DCBLD1: variants seen among roughly 807,000 people sequenced by gnomAD.
DCBLD1 encodes the protein discoidin, CUB and LCCL domain containing 1.
A neutral mutation model predicts 71.5 loss-of-function variants in DCBLD1; 57 were observed. The ratio of observed to expected loss-of-function variants is 0.80; its 90% CI spans 0.64 to 0.99. DCBLD1 has a LOEUF of 0.99. Among genes scored for constraint, DCBLD1 ranks in the 50% least tolerant of loss-of-function variants. DCBLD1 has a pLI of 0.00. For synonymous variants in DCBLD1, 380 were observed against 363.8 expected, an observed-to-expected ratio of 1.04 and a Z score of -0.51; for missense variants, 891 against 923.5, an observed-to-expected ratio of 0.96 and a Z score of 0.46.
chr6:117,532,123 C>T (rs1778743216), intron 5 of DCBLD1, 137 bp from the exon 6 acceptor site: 10 of 1,282,868 alleles, frequency 7.8e-6, no homozygotes, highest in Non-Finnish European at 1.0e-5. Flanking sequence ...GAGGTGACAA[C>T]TCCAGGGCAT....
chr6:117,525,845 A>T (rs1375722808), intron 5 of DCBLD1, among the ~76,000 whole-genome samples: 1 of 152,184 alleles, frequency 6.6e-6, no homozygotes, highest in Non-Finnish European at 1.5e-5. Flanking sequence ...CCCTGCTCTT[A>T]TTCGCCTTTC....
intron 14 of DCBLD1, among the ~76,000 whole-genome samples, chr6:117,566,498 G>T (rs910589286): frequency 6.6e-6 from 1 of 152,134 alleles, no homozygotes; most frequent in African/African-American, 2.4e-5. Flanking sequence ...TTCATTGTGA[G>T]AGATGAATTT....
chr6:117,538,801 G>A lies in DCBLD1; in HGVS notation c.942G>A (p.Leu314=), dbSNP rs76109131. ...SSNNHKPREW[L]EIDLGEKKKI... is the part of the protein sequence containing the mutation. ...ACAACCACAAACCACGAGAGTGGCT[G>A]GAGATCGATTTGGGGGAGAAAAAGA... The change falls in exon 8 of 15, where the codon CTG becomes CTA. Residue 314 remains leucine, a synonymous_variant. Transcript: ENST00000338728. 1.4e-3 allele frequency: 2,315 copies of A among 1,613,988 alleles called. 23 individuals carry two copies. In the African/African-American group the frequency reaches 0.027, roughly 19 times the overall value.
intron 2 of DCBLD1, among the ~76,000 whole-genome samples, chr6:117,519,075 G>A (rs752314265): frequency 7.9e-5 from 12 of 151,900 alleles, no homozygotes; most frequent in Non-Finnish European, 1.5e-4. Flanking sequence ...TGTTACTTTC[G>A]AAATGACAAG....
chr6:117,500,724 G>C (rs902528975), intron 1 of DCBLD1, among the ~76,000 whole-genome samples: 1 of 152,016 alleles, frequency 6.6e-6, no homozygotes, highest in Non-Finnish European at 1.5e-5. Context: ...AAAATTAGCC[G>C]TACGTAAATG....
At chr6:117,550,178 T>C (rs1340748609), downstream of DCBLD1, among the ~76,000 whole-genome samples, 3 of 152,156 alleles carry the variant, frequency 2.0e-5, no homozygotes, top group African/African-American at 7.2e-5. Context: ...TTCTTTACAA[T>C]AGAGCTGTCT....
rs981989103 is a variant in DCBLD1 at position 117,547,991 on chromosome 6, A to G, written c.1700A>G (p.Glu567Gly). ...CGGCCCATGGACACGGATGCCGAGG[A>G]GGCAGGGGTGAGCACCGATGCCGGC... Reference protein sequence around the residue: ...TFRPMDTDAEEAGVSTDAGGH... With the variant: ...TFRPMDTDAEGAGVSTDAGGH... Residue 567 changes from glutamate to glycine, a missense_variant, in exon 15 of 15, where the codon GAG (glutamate) becomes GGG (glycine). By Grantham distance (98) the Glu-to-Gly change is moderately conservative. Transcript: ENST00000338728. 4.5e-5 allele frequency: 69 copies of G among 1,550,408 alleles called. No homozygotes were observed. The highest frequency in any genetic ancestry group is 5.9e-5 in the Non-Finnish European group (68 of 1,146,964).
chr6:117,551,674 C>G (rs1016494311), downstream of DCBLD1, among the ~76,000 whole-genome samples: 1 of 152,176 alleles, frequency 6.6e-6, no homozygotes, highest in Admixed American at 6.5e-5. Flanking sequence ...CCACCGCGCC[C>G]GGCTTCCCTT....
intron 1 of DCBLD1, among the ~76,000 whole-genome samples, chr6:117,493,907 C>G (rs1253399725): frequency 6.6e-6 from 1 of 152,100 alleles, no homozygotes; most frequent in Non-Finnish European, 1.5e-5. Context: ...TTATAAGCTA[C>G]TGGGTATACA....
intron 1 of DCBLD1, among the ~76,000 whole-genome samples, chr6:117,488,180 G>A (rs746009311): frequency 1.3e-5 from 2 of 152,166 alleles, no homozygotes; most frequent in Non-Finnish European, 2.9e-5. Flanking sequence ...CACCCAGTAC[G>A]GTGCCTGGCA....
At position 117,543,224 on chromosome 6, in the gene DCBLD1, T is replaced by A. The variant is rs771911982; in HGVS notation, c.1445+13T>A. 4.3e-6 allele frequency: 7 copies of A among 1,612,018 alleles called. No individual in the cohort carries two copies. The South Asian group carries it at 7.7e-5, about 18-fold the overall frequency. On this transcript the variant is annotated intron_variant, in intron 12 of 14. Transcript: ENST00000338728. The stretch of plus-strand genomic sequence containing the variant: ...CAGCCTTTAGAAAGTATGGTGACTT[T>A]ACATGTTTAAATTTCTTCTCTAATT...
At chr6:117,518,122 C>T (rs1288591510) in intron 2 of DCBLD1, among the ~76,000 whole-genome samples, 2 of 152,190 alleles carry the variant, frequency 1.3e-5, no homozygotes, top group Admixed American at 6.5e-5. Context: ...CAAGTTACCT[C>T]GTGAATGCTT....
rs1442384670 is a variant in DCBLD1 at position 117,547,498 on chromosome 6, A to G, written c.1616-409A>G. On this transcript the variant is annotated intron_variant, in intron 14 of 14. Coordinates refer to ENST00000338728, the MANE Select transcript of DCBLD1 (RefSeq NM_001366458.2). ...CCTGTTGCTTTGGTCCTCATATCCT[A>G]TTAAACAAACTACTCTGTGTCCCTC... 1.2e-5 allele frequency: 6 copies of G among 480,806 alleles called. No individual in the cohort carries two copies. In the East Asian group the frequency reaches 3.4e-4, roughly 27 times the overall value. The allele number at this position is 480,806 out of a possible 1,614,324, so 29.8% of individuals were successfully genotyped here.
Position 117,497,680 on chromosome 6 carries a change from C to A in DCBLD1, c.113-6087C>A, listed in dbSNP as rs558501099. Among the ~76,000 whole-genome samples the A allele has an allele frequency of 5.9e-5, 9 of 152,250 alleles. No individual in the cohort carries two copies. In the South Asian group the frequency reaches 1.7e-3, roughly 28 times the overall value. On this transcript the variant is annotated intron_variant, in intron 1 of 14. Transcript: ENST00000338728. ...TATCTTTCTTCTCTTGACTGGACTT[C>A]TTGAAGTGAGAACTACAGTATACTA...
chr6:117,510,738 A>G (rs1372257657), intron 2 of DCBLD1, among the ~76,000 whole-genome samples: 1 of 152,218 alleles, frequency 6.6e-6, no homozygotes, highest in African/African-American at 2.4e-5. Flanking sequence ...TTCACACTGT[A>G]GGGAAATTTA....
chr6:117,498,363 T>C (rs1777536226), intron 1 of DCBLD1, among the ~76,000 whole-genome samples: 1 of 151,978 alleles, frequency 6.6e-6, no homozygotes, highest in African/African-American at 2.4e-5. Flanking sequence ...GAGGAGGAAA[T>C]GATACTTAGT....
At chr6:117,510,916 C>G (rs927383228) in intron 2 of DCBLD1, among the ~76,000 whole-genome samples, 1 of 152,196 alleles carries the variant, frequency 6.6e-6, no homozygotes, top group African/African-American at 2.4e-5. Flanking sequence ...TAAACCTTAG[C>G]GTTACTACCT....
At chr6:117,554,517 A>G (rs1203073762), downstream of DCBLD1, among the ~76,000 whole-genome samples, 2 of 152,212 alleles carry the variant, frequency 1.3e-5, no homozygotes, top group Admixed American at 6.5e-5. Context: ...AGATGTCCCA[A>G]TGTTAAACAT....
At chr6:117,515,720 T>C (rs1490196675) in intron 2 of DCBLD1, among the ~76,000 whole-genome samples, 1 of 152,252 alleles carries the variant, frequency 6.6e-6, no homozygotes, top group Non-Finnish European at 1.5e-5. Flanking sequence ...TATTATTCAT[T>C]ACAGAAATTT....
Sources: allele counts gnomAD v4.1 joint callset (sites outside exome capture counted in the v4.1 genomes callset), GRCh38; gene constraint gnomAD v4.1.1; transcripts MANE v1.5; gene names NCBI Gene and HGNC (gene_info 2026-07-23, HGNC 2026-07-21).